The following SPHKAP variants were observed in gnomAD, a reference collection of about 807,000 sequenced individuals.
SPHKAP encodes the protein SPHK1 interactor, AKAP domain containing, also known as A-kinase anchor protein SPHKAP.
Under a neutral mutation model 137.5 loss-of-function variants are expected in SPHKAP, and 67 were observed. The observed-to-expected ratio is 0.49, with a 90% CI of 0.40 to 0.60. SPHKAP has a LOEUF of 0.60. SPHKAP is among the 20% of genes least tolerant of loss of function. The pLI, the probability that SPHKAP is intolerant of heterozygous loss-of-function variation, is 0.00. For synonymous variants in SPHKAP, 813 were observed against 785.3 expected (o/e 1.04, Z -0.59); for missense variants, 2,097 against 2,069.3 (o/e 1.01, Z -0.26).
chr2:227,984,692 C>T (rs1204109348), intron 11 of SPHKAP, among the ~76,000 whole-genome samples: 1 of 152,116 alleles, frequency 6.6e-6, no homozygotes, highest in East Asian at 1.9e-4. Flanking sequence ...GCAGGCTTTT[C>T]CTCACTCTCC....
At chr2:228,061,768 T>C (rs1489110380) in intron 3 of SPHKAP, among the ~76,000 whole-genome samples, 1 of 151,522 alleles carries the variant, frequency 6.6e-6, no homozygotes, top group African/African-American at 2.4e-5. Context: ...CACACACATA[T>C]GTATATATAT....
intron 1 of SPHKAP, among the ~76,000 whole-genome samples, chr2:228,134,495 T>A (rs1247955796): frequency 6.6e-6 from 1 of 152,198 alleles, no homozygotes; most frequent in Non-Finnish European, 1.5e-5. Flanking sequence ...ACAGGTTTCC[T>A]ACAATGTGGG....
intron 3 of SPHKAP, among the ~76,000 whole-genome samples, chr2:228,089,838 A>G (rs1697663504): frequency 6.6e-6 from 1 of 152,204 alleles, no homozygotes; most frequent in Non-Finnish European, 1.5e-5. Flanking sequence ...GCAGGTGCAC[A>G]GAATGCAACA....
intron 6 of SPHKAP, among the ~76,000 whole-genome samples, chr2:228,021,035 A>G (rs1437944063): frequency 6.6e-6 from 1 of 152,158 alleles, no homozygotes; most frequent in Admixed American, 6.5e-5. Flanking sequence ...GATTTGTTCT[A>G]AAGTTTGCAT....
chr2:228,127,852 G>A (rs1440054636), intron 2 of SPHKAP, among the ~76,000 whole-genome samples: 1 of 152,082 alleles, frequency 6.6e-6, no homozygotes, highest in Non-Finnish European at 1.5e-5. Context: ...GTTTCCCAAT[G>A]CATATAAAAG....
rs185563397 is a variant in SPHKAP at position 228,124,895 on chromosome 2, G to A, written c.138+7085C>T. 1.4e-4 allele frequency among the ~76,000 whole-genome samples: 22 copies of A among 152,188 alleles called. 1 individual carries two copies. In the East Asian group the frequency reaches 2.9e-3, roughly 20 times the overall value. On this transcript the variant is annotated intron_variant, in intron 2 of 11. Transcript: ENST00000392056. ...TTTTGCAGAATAAAATGAAACATCC[G>A]GGGACATCCATTCTGTCATTCTTCA...
At chr2:228,113,964 G>C (rs1180214376) in intron 2 of SPHKAP, among the ~76,000 whole-genome samples, 1 of 152,028 alleles carries the variant, frequency 6.6e-6, no homozygotes, top group East Asian at 1.9e-4. Flanking sequence ...TAGTTTCATG[G>C]CTTGGACAAA....
Position 227,981,685 on chromosome 2 carries a change from G to A in SPHKAP, c.*32C>T. 16 of 1,592,984 alleles carry A rather than the reference G, an allele frequency of 1.0e-5. No homozygotes were observed. The highest frequency in any genetic ancestry group is 1.1e-5 in the Non-Finnish European group (13 of 1,172,418). The stretch of plus-strand genomic sequence containing the variant: ...CACTGTAATCTAAGTTGGAATAAAG[G>A]GAAGGAATGATCTATACGGCAGACT... On this transcript the variant is annotated 3_prime_UTR_variant, in exon 12 of 12. Coordinates refer to ENST00000392056, the MANE Select transcript of SPHKAP (RefSeq NM_001142644.2).
intron 3 of SPHKAP, among the ~76,000 whole-genome samples, chr2:228,092,817 A>C (rs1697848575): frequency 6.6e-6 from 1 of 152,048 alleles, no homozygotes; most frequent in Non-Finnish European, 1.5e-5. Flanking sequence ...ATGGAAAACC[A>C]AACATCATAT....
rs1454429249 is a variant in SPHKAP at position 228,017,497 on chromosome 2, C to G, written c.3357G>C (p.Gln1119His). Residue 1119 changes from glutamine to histidine, a missense_variant, in exon 7 of 12, where the codon CAG (glutamine) becomes CAC (histidine). Physicochemically the swap from Gln to His is conservative, Grantham distance 24. Coordinates refer to ENST00000392056, the MANE Select transcript of SPHKAP (RefSeq NM_001142644.2). ...CATCGGTGATGCTCTCACAGCTCGA[C>G]TGCTTGGAGACAGAGCTGGCCCTGC... ...PVSRASSVSK[Q>H]SSCESITDEF... 3 of 1,613,474 alleles carry G rather than the reference C, an allele frequency of 1.9e-6. No homozygotes were observed. The East Asian group carries it at 6.7e-5, about 36-fold the overall frequency.
rs368451482 is a variant in SPHKAP at position 228,156,017 on chromosome 2, G to A, written c.33-23932C>T. Among the ~76,000 whole-genome samples the A allele has an allele frequency of 5.1e-4, 78 of 152,218 alleles. 1 individual carries two copies. Among genetic ancestry groups the A allele is most frequent in the African/African-American group, 1.9e-3 (77 of 41,534 alleles). On this transcript the variant is annotated intron_variant, in intron 1 of 11. Transcript: ENST00000392056. ...AACTGAATGTGTCCTATATAGAAGA[G>A]CATTGTGGTTAGAAATGTCTTCCCT... is the stretch of plus-strand genomic sequence containing the variant.
chr2:228,040,280 A>G (rs1695786352), intron 3 of SPHKAP, among the ~76,000 whole-genome samples: 1 of 152,178 alleles, frequency 6.6e-6, no homozygotes, highest in Non-Finnish European at 1.5e-5. Context: ...ATGCTGATTC[A>G]CAAAGCGTCT....
intron 7 of SPHKAP, among the ~76,000 whole-genome samples, chr2:227,999,301 T>C (rs950041045): frequency 3.9e-5 from 6 of 152,178 alleles, no homozygotes; most frequent in African/African-American, 4.8e-5. Context: ...TGTTGAAATA[T>C]TGAGATTTTT....
intron 7 of SPHKAP, among the ~76,000 whole-genome samples, chr2:227,996,594 C>A (rs1338007989): frequency 6.6e-6 from 1 of 152,174 alleles, no homozygotes. Flanking sequence ...CAGGACCCTT[C>A]TTCTGGATTC....
Position 228,019,537 on chromosome 2 carries a change from C to G in SPHKAP, c.1317G>C (p.Val439=). Residue 439 remains valine (V), a synonymous_variant, in exon 7 of 12, where the codon GTG becomes GTC. Transcript: ENST00000392056. The part of the protein sequence containing the change: ...LPSCYSTKDT[V]VSRSWNELPK... ...GGAGCTCATTCCATGACCGAGAAAC[C>G]ACTGTATCTTTTGTGGAATAGCAAC... 6.2e-7 allele frequency: 1 copy of G among 1,614,188 alleles called. No individual in the cohort carries two copies. The highest frequency in any genetic ancestry group is 8.5e-7 in the Non-Finnish European group (1 of 1,180,038).
At chr2:228,010,224 T>C (rs1021734430) in intron 7 of SPHKAP, among the ~76,000 whole-genome samples, 1 of 152,058 alleles carries the variant, frequency 6.6e-6, no homozygotes, top group Non-Finnish European at 1.5e-5. Context: ...TTCTGACCAT[T>C]AAAAAAATTA....
At chr2:228,035,118 A>G (rs1252959002) in intron 3 of SPHKAP, among the ~76,000 whole-genome samples, 2 of 147,440 alleles carry the variant, frequency 1.4e-5, no homozygotes, top group Non-Finnish European at 1.5e-5. Context: ...ACATGATTGT[A>G]TATCTAGAAA....
intron 7 of SPHKAP, among the ~76,000 whole-genome samples, chr2:228,002,488 T>C (rs2106182446): frequency 6.6e-6 from 1 of 152,320 alleles, no homozygotes; most frequent in Admixed American, 6.5e-5. Flanking sequence ...GATGAGTAGA[T>C]TGCAAAAATT....
At position 228,005,665 on chromosome 2, in the gene SPHKAP, C is replaced by T. The variant is rs181361452; in HGVS notation, c.4449-9971G>A. Among the ~76,000 whole-genome samples the T allele has an allele frequency of 3.9e-3, 600 of 152,268 alleles. 4 individuals carry two copies. The highest frequency in any genetic ancestry group is 0.014 in the African/African-American group (561 of 41,548). On this transcript the variant is annotated intron_variant, in intron 7 of 11. Coordinates refer to ENST00000392056, the MANE Select transcript of SPHKAP (RefSeq NM_001142644.2). ...AGCATTGATGGTCTTTACAATTTGG[C>T]ATGTTTTTGCAGTGGCTGGTACCAG...
Sources: gnomAD v4.1 joint callset for allele counts (sites outside exome capture counted in the v4.1 genomes callset) on GRCh38, gnomAD v4.1.1 for gene constraint, MANE v1.5 for transcripts, NCBI Gene and HGNC (gene_info 2026-07-23, HGNC 2026-07-21) for gene names.